The following VPS45 variants were observed in gnomAD, a reference collection of about 807,000 sequenced individuals.
The protein encoded by VPS45 is vacuolar protein sorting-associated protein 45.
In VPS45, 35 loss-of-function variants were observed where a neutral mutation model predicts 75.9. That is an observed-to-expected ratio of 0.46 (90% confidence interval 0.35 to 0.61). The LOEUF (loss-of-function observed/expected upper bound fraction) is 0.61, where lower values mean the gene tolerates loss of function less well. Among genes scored for constraint, VPS45 ranks in the 20% least tolerant of loss-of-function variants. The pLI is 0.00. For synonymous variants in VPS45, 220 were observed against 238.2 expected (o/e 0.92, Z 0.70); for missense variants, 559 against 685.9 (o/e 0.81, Z 2.07).
At chr1:150,131,399 T>G (rs1357655896) in intron 14 of VPS45, among the ~76,000 whole-genome samples, 1 of 151,834 alleles carries the variant, frequency 6.6e-6, no homozygotes, top group African/African-American at 2.4e-5. Flanking sequence ...ATCCAGATAC[T>G]CAGGAGGCTG....
At position 150,110,769 on chromosome 1, in the gene VPS45, A is replaced by G. The variant is rs986020448; in HGVS notation, c.1625+142A>G. 7.3e-6 allele frequency: 6 copies of G among 821,714 alleles called. No homozygotes were observed. In the Middle Eastern group the frequency reaches 1.7e-3, roughly 231 times the overall value. 50.9% of individuals were successfully genotyped at this position (821,714 alleles called of 1,614,324 possible). A position where few individuals can be genotyped will look rare whatever the true frequency, so the allele number is the denominator to read the frequency against. On this transcript the variant is annotated intron_variant, in intron 14 of 14. Coordinates refer to ENST00000644510, the MANE Select transcript of VPS45 (RefSeq NM_007259.5). ...CTCTGGTGTTTGCAGCTCCAGAATA[A>G]TTTAAGAATTTGTGAGAGAAAGGAT...
chr1:150,088,434 A>AATAAATATATATATATAT (rs1400963423), intron 10 of VPS45, among the ~76,000 whole-genome samples: 1 of 125,534 alleles, frequency 8.0e-6, no homozygotes, highest in Admixed American at 8.2e-5. Flanking sequence ...CTGAATAATA[A>AATAAATATATATATATAT]ATATATATAT....
At chr1:150,104,767 A>T (rs927988944) in intron 13 of VPS45, among the ~76,000 whole-genome samples, 3 of 151,996 alleles carry the variant, frequency 2.0e-5, no homozygotes, top group Non-Finnish European at 2.9e-5. Flanking sequence ...ATTTTTAAAA[A>T]TTTTTTGGCA....
chr1:150,093,010 A>ATT (rs587680080), intron 12 of VPS45, among the ~76,000 whole-genome samples: 18 of 148,450 alleles, frequency 1.2e-4, no homozygotes, highest in South Asian at 4.3e-4. Flanking sequence ...CACCCGGCTA[A>ATT]TTTTTTTTTG....
At chr1:150,110,677 A>C in intron 14 of VPS45, 50 bp downstream of exon 14, 1 of 1,525,258 alleles carries the variant, frequency 6.6e-7, no homozygotes, top group South Asian at 1.3e-5. Context: ...CCAGAGGATA[A>C]AGCTTAAATT....
intron 14 of VPS45, among the ~76,000 whole-genome samples, chr1:150,121,068 T>G (rs138530317): frequency 1.3e-5 from 2 of 151,552 alleles, no homozygotes; most frequent in African/African-American, 4.8e-5. Context: ...GGGGTTTCAC[T>G]GTGGTCTCGA....
intron 14 of VPS45, among the ~76,000 whole-genome samples, chr1:150,128,871 C>T (rs1553811527): frequency 6.6e-6 from 1 of 152,150 alleles, no homozygotes; most frequent in East Asian, 1.9e-4. Context: ...TCCCAAGTAG[C>T]TAGGACTACA....
Position 150,145,098 on chromosome 1 carries a change from GA to G in VPS45, c.*303del, listed in dbSNP as rs1659606770. 1 of 626,148 alleles carries G rather than the reference GA, an allele frequency of 1.6e-6. No homozygotes were observed. The allele number at this position is 626,148 out of a possible 1,614,324, so 38.8% of individuals were successfully genotyped here. Reference sequence around the variant, plus strand: ...TTGGGGAAAGGGTTATCAGAGCCTAGAGGGGCTTAAAAAGTAATCATTTGAT... The same window carrying G: ...TTGGGGAAAGGGTTATCAGAGCCTAGGGGGCTTAAAAAGTAATCATTTGAT... On this transcript the variant is annotated 3_prime_UTR_variant, in exon 15 of 15. Transcript: ENST00000644510.
chr1:150,105,804 G>A (rs964780760), intron 13 of VPS45, among the ~76,000 whole-genome samples: 2 of 152,064 alleles, frequency 1.3e-5, no homozygotes, highest in Non-Finnish European at 2.9e-5. Flanking sequence ...AATAGCCAAG[G>A]TGCTCCTAAG....
intron 14 of VPS45, among the ~76,000 whole-genome samples, chr1:150,139,858 G>A (rs1460094966): frequency 6.6e-6 from 1 of 151,502 alleles, no homozygotes; most frequent in Non-Finnish European, 1.5e-5. Context: ...AGCCACCATG[G>A]GCAGCCAGTC....
At chr1:150,135,383 C>G (rs994575651) in intron 14 of VPS45, among the ~76,000 whole-genome samples, 2 of 151,942 alleles carry the variant, frequency 1.3e-5, no homozygotes. Flanking sequence ...TAGCCTTAGC[C>G]TCCCCAATAG....
intron 14 of VPS45, among the ~76,000 whole-genome samples, chr1:150,119,836 C>T (rs1658138690): frequency 6.6e-6 from 1 of 152,254 alleles, no homozygotes; most frequent in East Asian, 1.9e-4. Flanking sequence ...AGGCCGGGCG[C>T]GGTGGCTCAT....
intron 2 of VPS45, 82 bp downstream of exon 2, chr1:150,068,846 T>C (rs1654873427): frequency 7.6e-7 from 1 of 1,319,964 alleles, no homozygotes; most frequent in Non-Finnish European, 1.0e-6. Flanking sequence ...CAAAATAAAT[T>C]TGTATTATCA....
At position 150,081,324 on chromosome 1, in the gene VPS45, T is replaced by C. The variant is rs782808970; in HGVS notation, c.688-18T>C. The stretch of plus-strand genomic sequence containing the variant: ...ATATTCTGTCAGTTACCTTTTTTTT[T>C]CATAATTCTTTATTTAGTGGACATA... On this transcript the variant is annotated intron_variant, in intron 7 of 14. Transcript: ENST00000644510. The C allele has an allele frequency of 2.5e-6, 4 of 1,576,032 alleles. No homozygotes were observed. The highest frequency in any genetic ancestry group is 3.4e-6 in the Non-Finnish European group (4 of 1,168,952).
intron 14 of VPS45, among the ~76,000 whole-genome samples, chr1:150,112,158 T>C (rs1021003232): frequency 1.3e-5 from 2 of 152,104 alleles, no homozygotes; most frequent in Non-Finnish European, 2.9e-5. Context: ...TTCCTTTTTT[T>C]CTTAATAATT....
At chr1:150,089,260 G>T (rs1210567450) in intron 10 of VPS45, among the ~76,000 whole-genome samples, 1 of 152,174 alleles carries the variant, frequency 6.6e-6, no homozygotes, top group Non-Finnish European at 1.5e-5. Context: ...GGTGGTAAGA[G>T]AGTGACTGCA....
intron 9 of VPS45, 58 bp from the exon 10 acceptor site, chr1:150,082,658 A>C: frequency 3.2e-6 from 5 of 1,573,370 alleles, no homozygotes; most frequent in Non-Finnish European, 4.3e-6. Context: ...CATTCAGTAC[A>C]TGCTTATCCT....
At chr1:150,087,351 G>T (rs1382928879) in intron 10 of VPS45, among the ~76,000 whole-genome samples, 1 of 152,078 alleles carries the variant, frequency 6.6e-6, no homozygotes, top group Non-Finnish European at 1.5e-5. Flanking sequence ...TTTCTGTTTT[G>T]CTCTTTACTC....
Position 150,144,738 on chromosome 1 carries a change from T to G in VPS45, c.1655T>G (p.Leu552Arg), listed in dbSNP as rs782357489. 6.2e-7 allele frequency: 1 copy of G among 1,614,220 alleles called. No individual in the cohort carries two copies. Among genetic ancestry groups the G allele is most frequent in the South Asian group, 1.1e-5 (1 of 91,086 alleles). The change falls in exon 15 of 15, where the codon CTG becomes CGG. Residue 552 changes from leucine to arginine, a missense_variant. Coordinates refer to ENST00000644510, the MANE Select transcript of VPS45 (RefSeq NM_007259.5). ...SFLEEVLASG[L>R]HSRSKESSQV... Reference sequence around the variant, plus strand: ...CTAGAGGAAGTTCTGGCTTCTGGACTGCACAGCCGAAGCAAGGAGAGCTCT... The same window carrying G: ...CTAGAGGAAGTTCTGGCTTCTGGACGGCACAGCCGAAGCAAGGAGAGCTCT...
Sources: allele counts gnomAD v4.1 joint callset (sites outside exome capture counted in the v4.1 genomes callset), GRCh38; gene constraint gnomAD v4.1.1; transcripts MANE v1.5; gene names NCBI Gene and HGNC (gene_info 2026-07-23, HGNC 2026-07-21).